Variants in PHC1 observed in about 807,000 individuals in gnomAD.
PHC1 encodes the protein polyhomeotic-like protein 1.
A neutral mutation model predicts 104.3 loss-of-function variants in PHC1; 12 were observed. The observed-to-expected ratio is 0.12, with a 90% confidence interval of 0.07 to 0.19. The LOEUF (loss-of-function observed/expected upper bound fraction) is 0.19, where lower values mean the gene tolerates loss of function less well. Among genes scored for constraint, PHC1 ranks in the 10% least tolerant of loss-of-function variants. The probability of loss-of-function intolerance (pLI) is 1.00; values close to 1 mark genes in which losing one functional copy is unlikely to be tolerated. For synonymous variants in PHC1, 302 were observed against 455.8 expected (o/e 0.66, Z 4.30); for missense variants, 671 against 1,200.0 (o/e 0.56, Z 6.51).
intron 11 of PHC1, among the ~76,000 whole-genome samples, chr12:8,935,788 T>C (rs1247006537): frequency 6.6e-6 from 1 of 152,076 alleles, no homozygotes; most frequent in African/African-American, 2.4e-5. Flanking sequence ...GAGACGGAGT[T>C]TCGCTCTTGT....
chr12:8,934,443 G>T lies in PHC1; in HGVS notation c.2218G>T (p.Gly740Cys). ...CCAGATTCTCACCCACATCATTGAA[G>T]GCTTTGTTATCCAGGAAGGAGCAGA... ...KPQILTHIIE[G>C]FVIQEGAEPF... The change falls in exon 10 of 15, where the codon GGC becomes TGC. Residue 740 changes from glycine (G) to cysteine (C), a missense_variant. Gly to Cys is a radical substitution (Grantham distance 159). This residue lies in a region of PHC1 where 29 missense variants were observed against 78.0 expected (regional missense o/e 0.37). Transcript: ENST00000544916. 6.2e-7 allele frequency: 1 copy of T among 1,613,986 alleles called. No individual in the cohort carries two copies.
chr12:8,926,388 G>A (rs901442605), intron 6 of PHC1, among the ~76,000 whole-genome samples: 2 of 152,100 alleles, frequency 1.3e-5, no homozygotes, highest in Non-Finnish European at 2.9e-5. Flanking sequence ...AGGCCGAGGC[G>A]GGCGGATCAC....
chr12:8,934,348 C>G lies in PHC1; in HGVS notation c.2123C>G (p.Pro708Arg). The G allele has an allele frequency of 6.2e-7, 1 of 1,614,004 alleles. No individual in the cohort carries two copies. Among genetic ancestry groups the G allele is most frequent in the Non-Finnish European group, 8.5e-7 (1 of 1,179,900 alleles). ...LVALTPAPSV[P>R]PPTLAMVSRQ... ...GCCTTGACCCCCGCCCCTTCAGTAC[C>G]GCCTCCTACACTAGCCATGGTGTCT... The change falls in exon 10 of 15, where the codon CCG (proline) becomes CGG (arginine). Residue 708 changes from proline to arginine, a missense_variant. Transcript: ENST00000544916.
chr12:8,919,975 AGCCTCCTCC>A lies in PHC1; in HGVS notation c.225+117_225+125del, dbSNP rs749212196. ...TCCTATACTAAGCCAGGCTGCAGAC[AGCCTCCTCC>A]GCCTCCTGTCCTTCTGTGGGAGGAT... is the stretch of plus-strand genomic sequence containing the variant. On this transcript the variant is annotated intron_variant, in intron 3 of 14. Transcript: ENST00000544916. This position sits in a 1 kb window ranked among gnomAD's most constrained non-coding sequence, Gnocchi z 4.9. The A allele has an allele frequency of 7.9e-5, 118 of 1,492,742 alleles. No homozygotes were observed. In the South Asian group the frequency reaches 1.4e-3, roughly 17 times the overall value. The allele number at this position is 1,492,742 out of a possible 1,614,324, so 92.5% of individuals were successfully genotyped here.
chr12:8,931,424 G>T (rs1945681164), intron 7 of PHC1, among the ~76,000 whole-genome samples: 1 of 152,186 alleles, frequency 6.6e-6, no homozygotes. Context: ...GGAGAGGCGG[G>T]GTGCGGTGGC....
chr12:8,925,345 G>A (rs1385902198), intron 6 of PHC1, among the ~76,000 whole-genome samples: 1 of 152,186 alleles, frequency 6.6e-6, no homozygotes, highest in Non-Finnish European at 1.5e-5. Flanking sequence ...AGCGTTGGAT[G>A]CCCAAGAAAG....
intron 11 of PHC1, among the ~76,000 whole-genome samples, chr12:8,936,481 T>C (rs1177887758): frequency 6.6e-6 from 1 of 152,258 alleles, no homozygotes; most frequent in Non-Finnish European, 1.5e-5. Flanking sequence ...TTAAGGACTC[T>C]TACTGATTTT....
rs937996948 is a variant in PHC1, at chr12:8,935,910, G to A, written c.2368+672G>A. ...CGAGTAACTGGGATTACAGGCATGC[G>A]CCACCACGCCTGGCTAATTTTTGTA... is the stretch of plus-strand genomic sequence containing the variant. On this transcript the variant is annotated intron_variant, in intron 11 of 14. Transcript: ENST00000544916. 3.7e-4 allele frequency among the ~76,000 whole-genome samples: 56 copies of A among 152,054 alleles called. 1 individual carries two copies. Among genetic ancestry groups the A allele is most frequent in the African/African-American group, 1.2e-3 (48 of 41,528 alleles).
Position 8,919,802 on chromosome 12 carries a change from A to G in PHC1, c.161A>G (p.His54Arg). Residue 54 changes from histidine to arginine, a missense_variant, in exon 3 of 15, where the codon CAC (histidine) becomes CGC (arginine). Transcript: ENST00000544916. This position sits in a 1 kb window ranked among gnomAD's most constrained non-coding sequence, Gnocchi z 4.9. Reference sequence around the variant, plus strand: ...CAGCCCAATGCAGCTCAGTATTTCCACCAGTTCATGCTCCAGCAGCAGCTC... The same window carrying G: ...CAGCCCAATGCAGCTCAGTATTTCCGCCAGTTCATGCTCCAGCAGCAGCTC... ...QRQPNAAQYF[H>R]QFMLQQQLSN... 6.2e-7 allele frequency: 1 copy of G among 1,612,546 alleles called. No homozygotes were observed. The highest frequency in any genetic ancestry group is 8.5e-7 in the Non-Finnish European group (1 of 1,179,568).
rs1253812621 is a variant in PHC1 at position 8,933,221 on chromosome 12, A to G, written c.1764A>G (p.Thr588=). Residue 588 remains threonine, a synonymous_variant, in exon 8 of 15, where the codon ACA becomes ACG. Transcript: ENST00000544916. The stretch of plus-strand genomic sequence containing the variant: ...GTGCACTGCAGGAGTGCCCTCCCAC[A>G]TTGGCCCCTGGGATGACCCTTGCTC... ...APGALQECPP[T]LAPGMTLAPV... 6.7e-7 allele frequency: 1 copy of G among 1,489,184 alleles called. No homozygotes were observed. Among genetic ancestry groups the G allele is most frequent in the Non-Finnish European group, 9.0e-7 (1 of 1,107,978 alleles). 92.2% of individuals were successfully genotyped at this position (1,489,184 alleles called of 1,614,324 possible).
chr12:8,921,813 T>A, intron 5 of PHC1, 63 bp downstream of exon 5: 1 of 1,459,978 alleles, frequency 6.8e-7, no homozygotes, highest in Non-Finnish European at 9.2e-7. Context: ...GGCAAAGACT[T>A]GAGTGAAAGC....
intron 14 of PHC1, among the ~76,000 whole-genome samples, chr12:8,939,000 A>G (rs902375510): frequency 2.6e-5 from 4 of 151,770 alleles, no homozygotes; most frequent in Non-Finnish European, 4.4e-5. Context: ...TGATTTTTGT[A>G]TGTTTTGTAG....
At chr12:8,915,268 A>G (rs1945168962) in intron 1 of PHC1, 1 of 151,960 alleles carries the variant, frequency 6.6e-6, no homozygotes, top group South Asian at 2.1e-4. Context: ...CCCTTCCCCC[A>G]GTGTATTTGA....
intron 14 of PHC1, among the ~76,000 whole-genome samples, chr12:8,938,460 T>TTA (rs1555132629): frequency 1.3e-5 from 2 of 151,504 alleles, no homozygotes; most frequent in African/African-American, 4.8e-5. Context: ...TTTTTTTTTT[T>TTA]AAACAGAGAC....
At chr12:8,926,159 G>T (rs958905468) in intron 6 of PHC1, among the ~76,000 whole-genome samples, 1 of 152,172 alleles carries the variant, frequency 6.6e-6, no homozygotes, top group East Asian at 1.9e-4. Flanking sequence ...AGAAGTGTTT[G>T]TGAGCCATCC....
intron 3 of PHC1, among the ~76,000 whole-genome samples, chr12:8,920,423 T>C (rs999750018): frequency 6.6e-6 from 1 of 152,240 alleles, no homozygotes; most frequent in African/African-American, 2.4e-5. Flanking sequence ...AAGATCTTTT[T>C]CTAGCTGGGC....
chr12:8,917,121 G>GATAA (rs1945225775), intron 1 of PHC1, among the ~76,000 whole-genome samples: 1 of 152,180 alleles, frequency 6.6e-6, no homozygotes, highest in Non-Finnish European at 1.5e-5. Context: ...GTAGAATGAG[G>GATAA]ATAACAGTGT....
At chr12:8,938,861 G>A (rs757884337) in intron 14 of PHC1, among the ~76,000 whole-genome samples, 18 of 150,910 alleles carry the variant, frequency 1.2e-4, no homozygotes, top group African/African-American at 4.5e-4. Context: ...GTCTTACTCT[G>A]TTGCCCAGGC....
At chr12:8,916,487 G>A (rs1241073209) in intron 1 of PHC1, among the ~76,000 whole-genome samples, 1 of 151,958 alleles carries the variant, frequency 6.6e-6, no homozygotes, top group Non-Finnish European at 1.5e-5. Context: ...AAAATAGTGT[G>A]TAGCTTAACA....
Sources: allele counts gnomAD v4.1 joint callset (sites outside exome capture counted in the v4.1 genomes callset), GRCh38; gene constraint gnomAD v4.1.1; regional missense constraint gnomAD v4.1.1; non-coding constraint Gnocchi (gnomAD v3.1); transcripts MANE v1.5; gene names NCBI Gene and HGNC (gene_info 2026-07-23, HGNC 2026-07-21).